The following FGF10 variants were observed in gnomAD, a reference collection of about 807,000 sequenced individuals.
The protein encoded by FGF10 is fibroblast growth factor 10, also known as FGF-10.
In FGF10, 2 loss-of-function variants were observed where a neutral mutation model predicts 19.8. That is an observed-to-expected ratio of 0.10 (90% CI 0.04 to 0.32). The LOEUF is 0.32. Among genes scored for constraint, FGF10 ranks in the 10% least tolerant of loss-of-function variants. FGF10 has a pLI of 1.00. For synonymous variants in FGF10, 112 were observed against 94.0 expected (o/e 1.19, Z -1.10); for missense variants, 191 against 246.3 (o/e 0.78, Z 1.50).
At chr5:44,349,397 C>A (rs1741164893) in intron 1 of FGF10, among the ~76,000 whole-genome samples, 1 of 111,148 alleles carries the variant, frequency 9.0e-6, no homozygotes, top group Non-Finnish European at 1.8e-5. Flanking sequence ...TAATTCTTGC[C>A]TAAGAAAATG....
At chr5:44,379,324 A>G (rs146083565) in intron 1 of FGF10, among the ~76,000 whole-genome samples, 4 of 152,346 alleles carry the variant, frequency 2.6e-5, no homozygotes, top group African/African-American at 9.6e-5. Flanking sequence ...ACTATCTGAC[A>G]CAAAGCAAGC....
chr5:44,385,345 G>C (rs770056027), intron 1 of FGF10, among the ~76,000 whole-genome samples: 5 of 152,044 alleles, frequency 3.3e-5, no homozygotes, highest in Non-Finnish European at 7.4e-5. Flanking sequence ...TCGAATTTCT[G>C]GGAACTAGCT....
chr5:44,351,219 A>G (rs1741225536), intron 1 of FGF10, among the ~76,000 whole-genome samples: 1 of 151,618 alleles, frequency 6.6e-6, no homozygotes, highest in Non-Finnish European at 1.5e-5. Flanking sequence ...ATCAGATACA[A>G]AAGACATGCT....
At chr5:44,376,518 C>CAAAAAAAAAAAAAAAAAAAAAAAAAAAAA (rs1265124775) in intron 1 of FGF10, among the ~76,000 whole-genome samples, 2 of 72,694 alleles carry the variant, frequency 2.8e-5, no homozygotes, top group Non-Finnish European at 5.5e-5. Flanking sequence ...AAAAAAAAAA[C>CAAAAAAAAAAAAAAAAAAAAAAAAAAAAA]AAAAAACCCA....
At chr5:44,325,750 A>G (rs921408596) in intron 1 of FGF10, among the ~76,000 whole-genome samples, 6 of 152,114 alleles carry the variant, frequency 3.9e-5, no homozygotes, top group South Asian at 4.2e-4. Flanking sequence ...GAGGGATAGC[A>G]TTAGGACATA....
intron 1 of FGF10, among the ~76,000 whole-genome samples, chr5:44,347,543 C>A (rs2111809096): frequency 6.6e-6 from 1 of 151,808 alleles, no homozygotes; most frequent in Admixed American, 6.6e-5. Flanking sequence ...ACTCTGAGGG[C>A]TGTTCTTTGT....
intron 1 of FGF10, among the ~76,000 whole-genome samples, chr5:44,365,277 C>A: frequency 7.0e-6 from 1 of 142,354 alleles, no homozygotes; most frequent in Non-Finnish European, 1.5e-5. Flanking sequence ...GGAGCTCACT[C>A]TTTAATCAGT....
chr5:44,386,287 C>T (rs1022218259), intron 1 of FGF10, among the ~76,000 whole-genome samples: 2 of 152,052 alleles, frequency 1.3e-5, no homozygotes, highest in African/African-American at 4.8e-5. Flanking sequence ...GCAGATTTGA[C>T]CTTAAGTCAT....
chr5:44,373,090 C>A (rs1238324026), intron 1 of FGF10, among the ~76,000 whole-genome samples: 1 of 152,174 alleles, frequency 6.6e-6, no homozygotes, highest in East Asian at 1.9e-4. Context: ...TTAGTTCCAG[C>A]TGGCAGTGTT....
intron 1 of FGF10, among the ~76,000 whole-genome samples, chr5:44,383,229 A>G (rs1341728000): frequency 6.6e-6 from 1 of 152,042 alleles, no homozygotes; most frequent in African/African-American, 2.4e-5. Flanking sequence ...AAGTAATTGT[A>G]TAGAAATTTA....
At chr5:44,307,875 A>G (rs1156828824) in intron 2 of FGF10, among the ~76,000 whole-genome samples, 1 of 152,244 alleles carries the variant, frequency 6.6e-6, no homozygotes, top group African/African-American at 2.4e-5. Flanking sequence ...AAAGAATGTT[A>G]TGGTTAGAGA....
intron 1 of FGF10, among the ~76,000 whole-genome samples, chr5:44,356,686 T>A (rs1399200879): frequency 6.6e-6 from 1 of 151,452 alleles, no homozygotes. Context: ...ATCAACTTTG[T>A]TTCTCAGTCA....
chr5:44,370,846 T>C (rs1472785889), intron 1 of FGF10, among the ~76,000 whole-genome samples: 3 of 152,080 alleles, frequency 2.0e-5, no homozygotes, highest in African/African-American at 7.2e-5. Flanking sequence ...AGTTGTACTA[T>C]GTATTATGGA....
chr5:44,312,450 C>T lies in FGF10; in HGVS notation c.326-1920G>A, dbSNP rs573551552. ...ATCTCTGACTACTTTGCCTCTCCAT[C>T]ACATCTTCCTCCTCTTTCCCATTCC... On this transcript the variant is annotated intron_variant, in intron 1 of 2. Coordinates refer to ENST00000264664, the MANE Select transcript of FGF10 (RefSeq NM_004465.2). 5.9e-5 allele frequency among the ~76,000 whole-genome samples: 9 copies of T among 152,196 alleles called. No individual in the cohort carries two copies. In the South Asian group the frequency reaches 1.7e-3, roughly 28 times the overall value.
intron 1 of FGF10, among the ~76,000 whole-genome samples, chr5:44,382,666 C>A (rs1188100917): frequency 6.6e-6 from 1 of 152,096 alleles, no homozygotes; most frequent in African/African-American, 2.4e-5. Flanking sequence ...TATCTTAGAT[C>A]ATTGCAATAT....
intron 1 of FGF10, among the ~76,000 whole-genome samples, chr5:44,327,377 C>A (rs1050597114): frequency 2.0e-5 from 3 of 152,172 alleles, no homozygotes; most frequent in African/African-American, 7.2e-5. Context: ...AATTCACTTG[C>A]TTCAACCACA....
Position 44,304,915 on chromosome 5 carries a change from C to A in FGF10, c.*80G>T. ...CTGCAACGTGTCTTTGCCTTTCAAT[C>A]TACTGTCTTCATGAAGAATATCCAC... On this transcript the variant is annotated 3_prime_UTR_variant, in exon 3 of 3. Transcript: ENST00000264664. 1 of 1,410,780 alleles carries A rather than the reference C, an allele frequency of 7.1e-7. No individual in the cohort carries two copies. The highest frequency in any genetic ancestry group is 1.0e-6 in the Non-Finnish European group (1 of 995,884). The allele number at this position is 1,410,780 out of a possible 1,614,324, so 87.4% of individuals were successfully genotyped here.
chr5:44,376,138 T>C (rs1245531750), intron 1 of FGF10, among the ~76,000 whole-genome samples: 1 of 152,100 alleles, frequency 6.6e-6, no homozygotes, highest in Non-Finnish European at 1.5e-5. Flanking sequence ...AATACAACTT[T>C]ACATTTATAG....
chr5:44,336,009 T>C (rs1351962557), intron 1 of FGF10, among the ~76,000 whole-genome samples: 1 of 152,036 alleles, frequency 6.6e-6, no homozygotes. Context: ...ACATAAAATA[T>C]GTACCATTTG....
Sources: gnomAD v4.1 joint callset for allele counts (sites outside exome capture counted in the v4.1 genomes callset) on GRCh38, gnomAD v4.1.1 for gene constraint, MANE v1.5 for transcripts, NCBI Gene and HGNC (gene_info 2026-07-23, HGNC 2026-07-21) for gene names.